ABCG8: variants seen among roughly 807,000 people sequenced by gnomAD.
ABCG8 encodes ATP binding cassette subfamily G member 8.
ABCG8 carries 81 observed loss-of-function variants against 71.3 expected under a neutral mutation model. The observed-to-expected ratio is 1.14, with a 90% CI of 0.95 to 1.37. ABCG8 has a LOEUF of 1.37. Ranked by LOEUF, ABCG8 falls within the 40% of genes most tolerant of loss-of-function variation. The probability of loss-of-function intolerance (pLI) is 0.00; values close to 1 mark genes in which losing one functional copy is unlikely to be tolerated. For missense variants in ABCG8, 1,119 were observed against 866.2 expected, an observed-to-expected ratio of 1.29 and a Z score of -3.66; for synonymous variants, 451 against 354.7, an observed-to-expected ratio of 1.27 and a Z score of -3.05.
intron 6 of ABCG8, among the ~76,000 whole-genome samples, chr2:43,855,295 T>C (rs1669064958): frequency 6.6e-6 from 1 of 152,200 alleles, no homozygotes; most frequent in African/African-American, 2.4e-5. Context: ...TCTCACTATC[T>C]ATCGAGATAG....
intron 3 of ABCG8, among the ~76,000 whole-genome samples, chr2:43,850,119 G>C (rs1347335337): frequency 6.6e-6 from 1 of 152,142 alleles, no homozygotes; most frequent in Non-Finnish European, 1.5e-5. Flanking sequence ...AGCTACTCAG[G>C]AGGCTGAGGC....
At position 43,852,484 on chromosome 2, in the gene ABCG8, C is replaced by T; in HGVS notation, c.692C>T (p.Pro231Leu). 1 of 1,613,528 alleles carries T rather than the reference C, an allele frequency of 6.2e-7. No homozygotes were observed. Among genetic ancestry groups the T allele is most frequent in the Non-Finnish European group, 8.5e-7 (1 of 1,179,892 alleles). The stretch of plus-strand genomic sequence containing the variant: ...ATTGGGGTGCAGCTCCTGTGGAACC[C>T]AGGTGAGGGCCTGGGGGGCAGATGG... ...VSIGVQLLWN[P>L]GILILDEPTS... Residue 231 changes from proline (P) to leucine (L), a missense_variant and splice_region_variant, in exon 5 of 13, where the codon CCA becomes CTA. Physicochemically the swap from Pro to Leu is moderately conservative, Grantham distance 98 (BLOSUM62 -3). Transcript: ENST00000272286.
chr2:43,872,008 G>C lies in ABCG8; in HGVS notation c.997G>C (p.Glu333Gln). ...GACCAGCATTGACAGGCGCAGCAGA[G>C]AGCAGGAATTGGCCACCAGGGAGAA... The part of the protein sequence containing the change: ...DLTSIDRRSR[E>Q]QELATREKAQ... The change falls in exon 7 of 13, where the codon GAG becomes CAG. Residue 333 changes from glutamate to glutamine, a missense_variant. By Grantham distance (29) the Glu-to-Gln change is conservative (BLOSUM62 2). Transcript: ENST00000272286. 6.2e-7 allele frequency: 1 copy of C among 1,614,104 alleles called. No individual in the cohort carries two copies. The highest frequency in any genetic ancestry group is 8.5e-7 in the Non-Finnish European group (1 of 1,180,042).
Position 43,851,759 on chromosome 2 carries a change from C to G in ABCG8, c.498C>G (p.Thr166=). 6.2e-7 allele frequency: 1 copy of G among 1,614,260 alleles called. No homozygotes were observed. The highest frequency in any genetic ancestry group is 8.5e-7 in the Non-Finnish European group (1 of 1,180,052). The change falls in exon 4 of 13, where the codon ACC becomes ACG. Residue 166 remains threonine, a synonymous_variant. Coordinates refer to ENST00000272286, the MANE Select transcript of ABCG8 (RefSeq NM_022437.3). ...QLLPNLTVRE[T]LAFIAQMRLP... is the part of the protein sequence containing the mutation. ...TCCCCAACTTGACTGTGCGAGAGAC[C>G]TTGGCCTTCATTGCCCAGATGCGGC...
In ABCG8 at chr2:43,871,716, T is replaced by C. The variant is rs3795860; in HGVS notation, c.965-260T>C. On this transcript the variant is annotated intron_variant, in intron 6 of 12. Coordinates refer to ENST00000272286, the MANE Select transcript of ABCG8 (RefSeq NM_022437.3). ...AGTGGGACTTGGGCGGGGCCTCTAC[T>C]CTTTCCCATTTTTTGATCCACTGCT... 0.44 allele frequency among the ~76,000 whole-genome samples: 67,154 copies of C among 152,044 alleles called. 15,568 individuals carry two copies. The highest frequency in any genetic ancestry group is 0.86 in the East Asian group (4,450 of 5,170).
Position 43,878,353 on chromosome 2 carries a change from C to T in ABCG8, c.*440C>T, listed in dbSNP as rs1670030178. Reference sequence around the variant, plus strand: ...GGCCCCACACTCCGTGGTGAGCCACCATCAATACAGAAAGTGACCTAAGAT... The same window carrying T: ...GGCCCCACACTCCGTGGTGAGCCACTATCAATACAGAAAGTGACCTAAGAT... On this transcript the variant is annotated 3_prime_UTR_variant, in exon 13 of 13. Coordinates refer to ENST00000272286, the MANE Select transcript of ABCG8 (RefSeq NM_022437.3). 6.9e-6 allele frequency: 2 copies of T among 289,800 alleles called. No homozygotes were observed. The highest frequency in any genetic ancestry group is 2.2e-5 in the African/African-American group (1 of 46,138). The allele number at this position is 289,800 out of a possible 1,614,324, so 18.0% of individuals were successfully genotyped here.
At chr2:43,859,927 ATCTG>A (rs1669246953) in intron 6 of ABCG8, among the ~76,000 whole-genome samples, 1 of 150,320 alleles carries the variant, frequency 6.7e-6, no homozygotes, top group Admixed American at 6.6e-5. Flanking sequence ...ATCTCTCATT[ATCTG>A]TCTGGAGAGA....
At chr2:43,852,257 C>T in intron 4 of ABCG8, 97 bp from the exon 5 acceptor site, 1 of 1,566,126 alleles carries the variant, frequency 6.4e-7, no homozygotes, top group Non-Finnish European at 8.7e-7. Flanking sequence ...CTTTCAAACC[C>T]AGCCGGAGGA....
At position 43,852,436 on chromosome 2, in the gene ABCG8, G is replaced by T. The variant is rs769781582; in HGVS notation, c.644G>T (p.Gly215Val). Residue 215 changes from glycine (G) to valine (V), a missense_variant, in exon 5 of 13, where the codon GGG (glycine) becomes GTG (valine). Transcript: ENST00000272286. ...AACATGTACGTGCGGGGGTTGTCGG[G>T]GGGTGAGCGCAGGAGAGTCAGCATT... ...VGNMYVRGLSGGERRRVSIGV... is the reference protein window; with the variant it reads ...VGNMYVRGLSVGERRRVSIGV... 5 of 1,612,944 alleles carry T rather than the reference G, an allele frequency of 3.1e-6. No homozygotes were observed. The highest frequency in any genetic ancestry group is 4.2e-6 in the Non-Finnish European group (5 of 1,180,012).
At chr2:43,872,186 C>T in intron 7 of ABCG8, 37 bp from the exon 8 acceptor site, 2 of 1,614,030 alleles carry the variant, frequency 1.2e-6, no homozygotes, top group Non-Finnish European at 1.7e-6. Context: ...CAGAAGGTGG[C>T]TGCCCCCATG....
chr2:43,866,291 A>G (rs1669530293), intron 6 of ABCG8, among the ~76,000 whole-genome samples: 1 of 151,616 alleles, frequency 6.6e-6, no homozygotes, highest in Admixed American at 6.6e-5. Context: ...ACGGGCAAGG[A>G]CTTCATGTCT....
intron 3 of ABCG8, chr2:43,846,751 T>C (rs948351472): frequency 8.1e-6 from 2 of 246,868 alleles, no homozygotes; most frequent in Non-Finnish European, 1.6e-5. Context: ...GTGTCTTACT[T>C]AGCACAACTT....
At chr2:43,849,652 A>G (rs1191116579) in intron 3 of ABCG8, among the ~76,000 whole-genome samples, 1 of 152,118 alleles carries the variant, frequency 6.6e-6, no homozygotes, top group Non-Finnish European at 1.5e-5. Context: ...TTGCTCAGAA[A>G]ACGTGGCCTT....
chr2:43,873,189 A>ATT (rs71393209), intron 8 of ABCG8, among the ~76,000 whole-genome samples: 8,670 of 140,420 alleles, frequency 0.062, 298 homozygotes, highest in Middle Eastern at 0.12. Context: ...TTGAGCGTAC[A>ATT]TTTTTTTTTT....
chr2:43,861,352 A>G (rs368775077), intron 6 of ABCG8, among the ~76,000 whole-genome samples: 5 of 150,980 alleles, frequency 3.3e-5, no homozygotes, highest in African/African-American at 1.2e-4. Flanking sequence ...CTCACTATCT[A>G]TTTGGATAGA....
chr2:43,842,543 G>C (rs528402876), intron 1 of ABCG8, among the ~76,000 whole-genome samples: 1 of 151,924 alleles, frequency 6.6e-6, no homozygotes, highest in Admixed American at 6.6e-5. Flanking sequence ...TTGGCAACTG[G>C]GGTTGAGGTG....
intron 1 of ABCG8, among the ~76,000 whole-genome samples, chr2:43,844,258 G>T (rs926372648): frequency 6.6e-6 from 1 of 152,128 alleles, no homozygotes; most frequent in Non-Finnish European, 1.5e-5. Context: ...TGAGGTTGAG[G>T]TTCTCTGGGA....
chr2:43,854,417 C>G (rs1451584074), intron 6 of ABCG8, among the ~76,000 whole-genome samples: 3 of 152,220 alleles, frequency 2.0e-5, no homozygotes, highest in South Asian at 2.1e-4. Flanking sequence ...CACATGAGGT[C>G]AGGAGTTTGA....
rs537784677 is a variant in ABCG8 at position 43,839,403 on chromosome 2, C to CTT, written c.63+327_63+328dup. On this transcript the variant is annotated intron_variant, in intron 1 of 12. Transcript: ENST00000272286. ...CACTTTTTCTTTTTTCTTTTCTTCT[C>CTT]TTTTTTTTTTTTTTTTTTTTTTTTT... Among the ~76,000 whole-genome samples the CTT allele has an allele frequency of 1.3e-3, 77 of 59,310 alleles. 14 individuals are homozygous for CTT. Among genetic ancestry groups the CTT allele is most frequent in the Non-Finnish European group, 2.1e-3 (64 of 31,218 alleles). The allele number at this position is 59,310 out of a possible 152,430, so 38.9% of individuals were successfully genotyped here.
Sources: gnomAD v4.1 joint callset for allele counts (sites outside exome capture counted in the v4.1 genomes callset) on GRCh38, gnomAD v4.1.1 for gene constraint, MANE v1.5 for transcripts, NCBI Gene and HGNC (gene_info 2026-07-23, HGNC 2026-07-21) for gene names.